The following SLCO2A1 variants were observed in gnomAD, a reference collection of about 807,000 sequenced individuals.
SLCO2A1 encodes the protein matrin F/G 1.
In SLCO2A1, 60 loss-of-function variants were observed where a neutral mutation model predicts 71.7. The observed-to-expected ratio is 0.84, with a 90% CI of 0.68 to 1.04. The LOEUF (loss-of-function observed/expected upper bound fraction) is 1.04, where lower values mean the gene tolerates loss of function less well. Among genes scored for constraint, SLCO2A1 ranks in the 50% least tolerant of loss-of-function variants. The pLI is 0.00. For missense variants in SLCO2A1, 745 were observed against 813.4 expected (o/e 0.92, Z 1.02); for synonymous variants, 308 against 326.7 (o/e 0.94, Z 0.62).
At chr3:133,953,193 C>T (rs560888459) in intron 5 of SLCO2A1, among the ~76,000 whole-genome samples, 24 of 152,176 alleles carry the variant, frequency 1.6e-4, no homozygotes, top group Admixed American at 5.2e-4. Flanking sequence ...TCTGCCACCA[C>T]GCCCGGCTAA....
At chr3:133,952,116 A>C (rs1018906081) in intron 5 of SLCO2A1, among the ~76,000 whole-genome samples, 1 of 152,232 alleles carries the variant, frequency 6.6e-6, no homozygotes, top group African/African-American at 2.4e-5. Flanking sequence ...TTCCCTGGGC[A>C]CTGCCCTGAG....
rs112887500 is a variant in SLCO2A1 at position 133,932,925 on chromosome 3, T to A, written c.*1788A>T. ...AAATGCTAAAACTGGCCCCTGAGGT[T>A]ACATTGAGCCTCCCTTCCTGAGTGA... On this transcript the variant is annotated 3_prime_UTR_variant, in exon 14 of 14. Transcript: ENST00000310926. 2.0e-5 allele frequency: 3 copies of A among 152,740 alleles called. No homozygotes were observed. The highest frequency in any genetic ancestry group is 4.4e-5 in the Non-Finnish European group (3 of 68,018). 9.5% of individuals were successfully genotyped at this position (152,740 alleles called of 1,614,324 possible). A position where few individuals can be genotyped will look rare whatever the true frequency, so the allele number is the denominator to read the frequency against.
At chr3:133,973,937 C>A in intron 2 of SLCO2A1, 112 bp from the exon 3 acceptor site, 1 of 1,104,630 alleles carries the variant, frequency 9.1e-7, no homozygotes. Flanking sequence ...GGGGGCTGCC[C>A]AGTGTCAGCT....
At chr3:134,008,553 C>T (rs1031588280) in intron 1 of SLCO2A1, among the ~76,000 whole-genome samples, 1 of 152,216 alleles carries the variant, frequency 6.6e-6, no homozygotes, top group Non-Finnish European at 1.5e-5. Flanking sequence ...TCCTCCCAGG[C>T]AGAAAACCCC....
At chr3:133,940,213 C>T (rs961325198) in intron 11 of SLCO2A1, among the ~76,000 whole-genome samples, 2 of 152,168 alleles carry the variant, frequency 1.3e-5, no homozygotes, top group African/African-American at 4.8e-5. Flanking sequence ...GGTGGTCCAC[C>T]CACCTTGGCC....
rs749458625 is a variant in SLCO2A1, at chr3:133,947,449, T to C, written c.1106-4A>G. 9 of 1,609,792 alleles carry C rather than the reference T, an allele frequency of 5.6e-6. No individual in the cohort carries two copies. Among genetic ancestry groups the C allele is most frequent in the East Asian group, 2.2e-5 (1 of 44,830 alleles). The stretch of plus-strand genomic sequence containing the variant: ...GCAGCAGGGAGGTTCACAGCACCTA[T>C]AAGTGGAAAGAAGGAGGTGATCCAG... On this transcript the variant is annotated splice_polypyrimidine_tract_variant and splice_region_variant and intron_variant, in intron 8 of 13. Coordinates refer to ENST00000310926, the MANE Select transcript of SLCO2A1 (RefSeq NM_005630.3).
intron 3 of SLCO2A1, among the ~76,000 whole-genome samples, chr3:133,957,976 G>T (rs1192228004): frequency 1.3e-5 from 2 of 152,218 alleles, no homozygotes; most frequent in African/African-American, 4.8e-5. Context: ...AGGTCTAGAG[G>T]CTGTGTCTGC....
At chr3:134,029,629 G>T in intron 1 of SLCO2A1, 78 bp downstream of exon 1, 1 of 1,244,796 alleles carries the variant, frequency 8.0e-7, no homozygotes, top group Non-Finnish European at 1.1e-6. Context: ...TCCTGGCTCC[G>T]GCAGACAGAA....
In SLCO2A1 at chr3:133,953,796, A is replaced by G. The variant is rs754005962; in HGVS notation, c.626-35T>C. 3.0e-5 allele frequency: 47 copies of G among 1,567,756 alleles called. No individual in the cohort carries two copies. In the South Asian group the frequency reaches 5.2e-4, roughly 17 times the overall value. On this transcript the variant is annotated intron_variant, in intron 4 of 13. Transcript: ENST00000310926. The stretch of plus-strand genomic sequence containing the variant: ...GAAGTAAGGGGAAGGAGACTGAGAT[A>G]AATGGAGAGAGTTTGGCAGCCTTGG...
chr3:133,961,066 C>A (rs967861091), intron 3 of SLCO2A1, among the ~76,000 whole-genome samples: 2 of 151,880 alleles, frequency 1.3e-5, no homozygotes, highest in Non-Finnish European at 2.9e-5. Flanking sequence ...GGGAAGGGGC[C>A]TGGATTGTAT....
chr3:133,971,266 A>G (rs1934316363), intron 3 of SLCO2A1, among the ~76,000 whole-genome samples: 1 of 152,272 alleles, frequency 6.6e-6, no homozygotes, highest in African/African-American at 2.4e-5. Flanking sequence ...CTCTGAGAAG[A>G]TGGCCAGCAA....
chr3:133,985,244 G>A (rs1402997172), intron 1 of SLCO2A1, among the ~76,000 whole-genome samples: 3 of 152,150 alleles, frequency 2.0e-5, no homozygotes, highest in Admixed American at 6.6e-5. Context: ...CCTCCCTCAC[G>A]AATATGTGCA....
At chr3:133,992,455 G>A (rs1934875424) in intron 1 of SLCO2A1, among the ~76,000 whole-genome samples, 1 of 152,238 alleles carries the variant, frequency 6.6e-6, no homozygotes. Flanking sequence ...AGGGACAGGA[G>A]GCAGAAAAAT....
intron 1 of SLCO2A1, among the ~76,000 whole-genome samples, chr3:133,999,499 A>G (rs1701758414): frequency 6.6e-6 from 1 of 152,192 alleles, no homozygotes; most frequent in African/African-American, 2.4e-5. Context: ...TGCCTCCCCC[A>G]GCCCCCCAGG....
intron 1 of SLCO2A1, among the ~76,000 whole-genome samples, chr3:134,010,295 A>C (rs115814175): frequency 0.01 from 1,545 of 152,324 alleles, 25 homozygotes; most frequent in African/African-American, 0.036. Context: ...AAAGGGGTTT[A>C]ATTGACTCAA....
At chr3:133,949,092 C>A in intron 6 of SLCO2A1, 121 bp from the exon 7 acceptor site, 2 of 779,042 alleles carry the variant, frequency 2.6e-6, no homozygotes, top group Admixed American at 4.1e-5. Flanking sequence ...CCCCTCCAGG[C>A]GTGTGTGCAT....
chr3:133,976,229 G>A (rs774492608), intron 2 of SLCO2A1, among the ~76,000 whole-genome samples: 6 of 152,226 alleles, frequency 3.9e-5, no homozygotes, highest in African/African-American at 1.4e-4. Context: ...GTGGATCTAG[G>A]ACATCCTGAA....
At chr3:133,998,129 G>T (rs80034086) in intron 1 of SLCO2A1, among the ~76,000 whole-genome samples, 3,088 of 152,230 alleles carry the variant, frequency 0.02, 122 homozygotes, top group African/African-American at 0.07. Context: ...GGATCCCCTT[G>T]GTTCCATGGC....
chr3:133,985,254 A>C (rs567438469), intron 1 of SLCO2A1, among the ~76,000 whole-genome samples: 2 of 152,368 alleles, frequency 1.3e-5, no homozygotes, highest in South Asian at 4.1e-4. Flanking sequence ...GAATATGTGC[A>C]ATCACATTTG....
Sources: gnomAD v4.1 joint callset for allele counts (sites outside exome capture counted in the v4.1 genomes callset) on GRCh38, gnomAD v4.1.1 for gene constraint, MANE v1.5 for transcripts, NCBI Gene and HGNC (gene_info 2026-07-23, HGNC 2026-07-21) for gene names.